Variants in AKAP6 observed in about 807,000 individuals in gnomAD.
The protein encoded by AKAP6 is A-kinase anchor protein 6.
A neutral mutation model predicts 188.5 loss-of-function variants in AKAP6; 58 were observed. That is an observed-to-expected ratio of 0.31 (90% CI 0.25 to 0.38). AKAP6 has a LOEUF of 0.38. AKAP6 is among the 10% of genes least tolerant of loss of function. The pLI is 1.00. For synonymous variants in AKAP6, 989 were observed against 998.6 expected, an observed-to-expected ratio of 0.99 and a Z score of 0.18; for missense variants, 2,710 against 2,740.0, an observed-to-expected ratio of 0.99 and a Z score of 0.24.
chr14:32,604,557 A>G (rs1461047363), intron 7 of AKAP6, among the ~76,000 whole-genome samples: 1 of 152,214 alleles, frequency 6.6e-6, no homozygotes, highest in African/African-American at 2.4e-5. Flanking sequence ...GGGCAAACAC[A>G]TATAATAATA....
At chr14:32,751,498 C>CTTT (rs71432082) in intron 11 of AKAP6, among the ~76,000 whole-genome samples, 64,567 of 122,158 alleles carry the variant, frequency 0.53, 20,123 homozygotes, top group Non-Finnish European at 0.68. Flanking sequence ...TCTCTTTTCA[C>CTTT]TTTTTTTTTT....
chr14:32,335,950 A>G (rs1014635065), intron 1 of AKAP6, among the ~76,000 whole-genome samples: 1 of 150,580 alleles, frequency 6.6e-6, no homozygotes, highest in African/African-American at 2.4e-5. Flanking sequence ...TTTCAATTTA[A>G]AAGGGAATTA....
intron 7 of AKAP6, among the ~76,000 whole-genome samples, chr14:32,608,462 T>A (rs1886217085): frequency 7.0e-6 from 1 of 143,570 alleles, no homozygotes; most frequent in Admixed American, 7.4e-5. Context: ...ATTGTGCCAC[T>A]GCACTCCAGC....
chr14:32,515,828 T>A (rs1455769665), intron 2 of AKAP6, among the ~76,000 whole-genome samples: 2 of 152,206 alleles, frequency 1.3e-5, no homozygotes, highest in African/African-American at 4.8e-5. Context: ...AAGACTTCAT[T>A]TACATGTGGT....
In AKAP6 at chr14:32,357,870, A is replaced by G. The variant is rs545636981; in HGVS notation, c.-35+28462A>G. On this transcript the variant is annotated intron_variant, in intron 1 of 13. Transcript: ENST00000280979. The stretch of plus-strand genomic sequence containing the variant: ...TGTAATGCACAATCTGCATTGTAGC[A>G]TATATGGCTGCCTTAGCCAGGGGAT... Among the ~76,000 whole-genome samples, 4 of 152,348 alleles carry G rather than the reference A, an allele frequency of 2.6e-5. No homozygotes were observed. The East Asian group carries it at 7.7e-4, about 29-fold the overall frequency.
At chr14:32,752,913 G>A (rs1156661322) in intron 11 of AKAP6, among the ~76,000 whole-genome samples, 2 of 152,144 alleles carry the variant, frequency 1.3e-5, no homozygotes, top group Non-Finnish European at 2.9e-5. Flanking sequence ...GTGTAAGTGT[G>A]TGTATGTGTA....
In AKAP6 at chr14:32,568,237, T is replaced by C. The variant is rs1884292755; in HGVS notation, c.2347-8883T>C. 6.6e-6 allele frequency among the ~76,000 whole-genome samples: 1 copy of C among 152,142 alleles called. No individual in the cohort carries two copies. Among genetic ancestry groups the C allele is most frequent in the South Asian group, 2.1e-4 (1 of 4,826 alleles). On this transcript the variant is annotated intron_variant, in intron 4 of 13. Transcript: ENST00000280979. This position sits in a 1 kb window ranked among gnomAD's most constrained non-coding sequence, Gnocchi z 6.2. ...ATGGACTTTGTGGGAACAAATCTGGTTAGAGAGAGAATATAGCACAGTAGT... is the reference window on the plus strand; with the variant it reads ...ATGGACTTTGTGGGAACAAATCTGGCTAGAGAGAGAATATAGCACAGTAGT...
rs1388671008 is a variant in AKAP6 at position 32,823,938 on chromosome 14, A to T, written c.6125A>T (p.Glu2042Val). The T allele has an allele frequency of 3.7e-6, 6 of 1,613,876 alleles. No individual in the cohort carries two copies. The highest frequency in any genetic ancestry group is 5.1e-6 in the Non-Finnish European group (6 of 1,179,952). ...AGCAACATTTCCTGTTGCAACTGTG[A>T]GCCAGATGTTTTCCATCAAAAAGAT... ...SISNISCCNC[E>V]PDVFHQKDAE... is the part of the protein sequence containing the mutation. The change falls in exon 13 of 14, where the codon GAG becomes GTG. Residue 2042 changes from glutamate to valine, a missense_variant. Coordinates refer to ENST00000280979, the MANE Select transcript of AKAP6 (RefSeq NM_004274.5).
intron 1 of AKAP6, among the ~76,000 whole-genome samples, chr14:32,403,580 T>C (rs1889170186): frequency 6.6e-6 from 1 of 152,238 alleles, no homozygotes; most frequent in Non-Finnish European, 1.5e-5. Flanking sequence ...ACTTACTAGC[T>C]GTGTGACCTT....
intron 2 of AKAP6, among the ~76,000 whole-genome samples, chr14:32,534,977 A>G (rs897382338): frequency 9.0e-5 from 13 of 145,054 alleles, no homozygotes; most frequent in Middle Eastern, 3.4e-3. Flanking sequence ...AAAAAAAAAA[A>G]CAAAAACAAA....
rs200294426 is a variant in AKAP6 at position 32,800,167 on chromosome 14, T to C, written c.3589-21235T>C. 4.8e-4 allele frequency among the ~76,000 whole-genome samples: 55 copies of C among 115,604 alleles called. No homozygotes were observed. In the South Asian group the frequency reaches 5.1e-3, roughly 11 times the overall value. 75.8% of individuals were successfully genotyped at this position (115,604 alleles called of 152,430 possible). On this transcript the variant is annotated intron_variant, in intron 12 of 13. Transcript: ENST00000280979. ...ACACATATATACATATATATACACATATATATACATATATATATACACATA... is the reference window on the plus strand; with the variant it reads ...ACACATATATACATATATATACACACATATATACATATATATATACACATA...
At chr14:32,798,524 A>T (rs1045311960) in intron 12 of AKAP6, among the ~76,000 whole-genome samples, 2 of 152,220 alleles carry the variant, frequency 1.3e-5, no homozygotes, top group Non-Finnish European at 2.9e-5. Context: ...CATATATACC[A>T]TGGAATACTA....
intron 2 of AKAP6, among the ~76,000 whole-genome samples, chr14:32,514,377 G>A (rs1216327736): frequency 6.6e-6 from 1 of 152,124 alleles, no homozygotes; most frequent in Non-Finnish European, 1.5e-5. Context: ...TTTATGTGGG[G>A]GAGGAAGGCA....
intron 7 of AKAP6, among the ~76,000 whole-genome samples, chr14:32,653,446 C>T (rs1164012674): frequency 6.6e-6 from 1 of 151,966 alleles, no homozygotes; most frequent in East Asian, 1.9e-4. Flanking sequence ...AAGTGTTTGA[C>T]ACCTCCCCTC....
chr14:32,787,135 C>G (rs949650816), intron 12 of AKAP6, among the ~76,000 whole-genome samples: 13 of 152,150 alleles, frequency 8.5e-5, no homozygotes, highest in African/African-American at 3.1e-4. Context: ...AACCAATTAC[C>G]ACATTTTAAT....
intron 8 of AKAP6, among the ~76,000 whole-genome samples, chr14:32,693,891 C>T (rs1285367677): frequency 6.6e-6 from 1 of 152,136 alleles, no homozygotes; most frequent in Non-Finnish European, 1.5e-5. Context: ...TTATACCTCT[C>T]AAGGAAATGT....
chr14:32,453,174 AT>A (rs1890994442), intron 2 of AKAP6, among the ~76,000 whole-genome samples: 1 of 152,198 alleles, frequency 6.6e-6, no homozygotes, highest in East Asian at 1.9e-4. Context: ...AAGTGGGATA[AT>A]TTTTGTTTTA....
chr14:32,795,904 G>A (rs1344339199), intron 12 of AKAP6, among the ~76,000 whole-genome samples: 1 of 152,142 alleles, frequency 6.6e-6, no homozygotes, highest in Non-Finnish European at 1.5e-5. Context: ...CAGCTCAAAA[G>A]CTCCATAAAC....
rs1456384448 is a variant in AKAP6 at position 32,347,335 on chromosome 14, A to G, written c.-35+17927A>G. On this transcript the variant is annotated intron_variant, in intron 1 of 13. Coordinates refer to ENST00000280979, the MANE Select transcript of AKAP6 (RefSeq NM_004274.5). ...TGAATACGTTTAATTTCACCAGGTA[A>G]AACCCATTTCTAAACTTTCAGCTTG... Among the ~76,000 whole-genome samples, 7 of 152,292 alleles carry G rather than the reference A, an allele frequency of 4.6e-5. No individual in the cohort carries two copies. In the East Asian group the frequency reaches 1.4e-3, roughly 29 times the overall value.
Sources: gnomAD v4.1 joint callset for allele counts (sites outside exome capture counted in the v4.1 genomes callset) on GRCh38, gnomAD v4.1.1 for gene constraint, Gnocchi (gnomAD v3.1) non-coding constraint, MANE v1.5 for transcripts, NCBI Gene and HGNC (gene_info 2026-07-23, HGNC 2026-07-21) for gene names.